CEP128: variants seen among roughly 807,000 people sequenced by gnomAD.
The protein encoded by CEP128 is centrosomal protein 128kDa.
In CEP128, 132 loss-of-function variants were observed where a neutral mutation model predicts 156.7. The ratio of observed to expected loss-of-function variants is 0.84; its 90% CI spans 0.73 to 0.97. The LOEUF (loss-of-function observed/expected upper bound fraction) is 0.97. CEP128 is among the 50% of genes least tolerant of loss of function. The pLI is 0.00. For synonymous variants in CEP128, 469 were observed against 448.9 expected (o/e 1.04, Z -0.57); for missense variants, 1,252 against 1,281.9 (o/e 0.98, Z 0.36).
intron 13 of CEP128, among the ~76,000 whole-genome samples, chr14:80,827,931 T>A (rs1040958656): frequency 6.6e-6 from 1 of 152,090 alleles, no homozygotes; most frequent in East Asian, 1.9e-4. Context: ...CTGAGTTTCA[T>A]TGTTAATATG....
upstream of CEP128, among the ~76,000 whole-genome samples, chr14:80,942,833 T>C (rs577907875): frequency 6.6e-6 from 1 of 151,786 alleles, no homozygotes; most frequent in South Asian, 2.1e-4. Context: ...TCCTTACCCC[T>C]CCTCCCTCCC....
chr14:80,505,699 A>ATAAC (rs1232195025), intron 23 of CEP128, among the ~76,000 whole-genome samples: 5 of 152,360 alleles, frequency 3.3e-5, no homozygotes, highest in African/African-American at 1.2e-4. Context: ...TCTTTCAGCT[A>ATAAC]TAACTTTAAA....
chr14:80,888,371 A>G (rs2083097296), intron 8 of CEP128, among the ~76,000 whole-genome samples: 1 of 152,220 alleles, frequency 6.6e-6, no homozygotes, highest in Non-Finnish European at 1.5e-5. Context: ...CGTTGATGCG[A>G]AAATCCTCAG....
chr14:80,493,108 C>T (rs1887379506), downstream of CEP128, among the ~76,000 whole-genome samples: 1 of 152,088 alleles, frequency 6.6e-6, no homozygotes, highest in South Asian at 2.1e-4. Flanking sequence ...AACTGCTTCA[C>T]TAGAAGAATA....
At chr14:80,737,148 G>A (rs1453402778) in intron 19 of CEP128, among the ~76,000 whole-genome samples, 1 of 152,196 alleles carries the variant, frequency 6.6e-6, no homozygotes, top group African/African-American at 2.4e-5. Flanking sequence ...GCTCATGCCT[G>A]TAATCCCAGC....
intron 2 of CEP128, among the ~76,000 whole-genome samples, chr14:80,928,023 A>C (rs1196248045): frequency 6.6e-6 from 1 of 152,154 alleles, no homozygotes; most frequent in Non-Finnish European, 1.5e-5. Context: ...ACTCACACAG[A>C]GTCTTTGCCA....
chr14:80,885,130 C>G (rs2371420), intron 8 of CEP128, among the ~76,000 whole-genome samples: 84,981 of 152,020 alleles, frequency 0.56, 25,747 homozygotes, highest in African/African-American at 0.8. Flanking sequence ...CCCCAGTCAG[C>G]GGCTTATAGA....
intron 19 of CEP128, among the ~76,000 whole-genome samples, chr14:80,638,385 T>C (rs1331801285): frequency 1.3e-5 from 2 of 152,136 alleles, no homozygotes; most frequent in African/African-American, 4.8e-5. Context: ...AAAGAAGCAA[T>C]GCTGTGTTTA....
chr14:80,502,171 C>T (rs943341942), intron 24 of CEP128, among the ~76,000 whole-genome samples: 1 of 152,300 alleles, frequency 6.6e-6, no homozygotes, highest in East Asian at 1.9e-4. Context: ...TCAATAAAAA[C>T]TGCTGCTAAC....
chr14:80,722,818 T>C (rs918752505), intron 19 of CEP128, among the ~76,000 whole-genome samples: 6 of 135,036 alleles, frequency 4.4e-5, no homozygotes, highest in African/African-American at 1.7e-4. Context: ...GGTTACTCTT[T>C]ATCTTTTTTT....
chr14:80,758,269 C>G (rs537087105), intron 17 of CEP128, among the ~76,000 whole-genome samples: 1 of 152,214 alleles, frequency 6.6e-6, no homozygotes, highest in Non-Finnish European at 1.5e-5. Context: ...CGCCTGTAAT[C>G]CCAGCACTTT....
At chr14:80,555,868 A>T (rs1890412119) in intron 21 of CEP128, among the ~76,000 whole-genome samples, 1 of 151,916 alleles carries the variant, frequency 6.6e-6, no homozygotes, top group South Asian at 2.1e-4. Flanking sequence ...GCTTCTGAAA[A>T]TGCATTATCT....
intron 3 of CEP128, among the ~76,000 whole-genome samples, chr14:80,915,142 C>G (rs1884472481): frequency 6.6e-6 from 1 of 152,062 alleles, no homozygotes; most frequent in Non-Finnish European, 1.5e-5. Flanking sequence ...GCCTCAGCTT[C>G]CTGGGCTCAA....
downstream of CEP128, among the ~76,000 whole-genome samples, chr14:80,493,754 T>C (rs1463025211): frequency 6.6e-6 from 1 of 152,198 alleles, no homozygotes; most frequent in East Asian, 1.9e-4. Flanking sequence ...GGGGCTATCC[T>C]GGTAAAACAC....
intron 19 of CEP128, among the ~76,000 whole-genome samples, chr14:80,610,305 A>G (rs1892945722): frequency 6.6e-6 from 1 of 152,114 alleles, no homozygotes; most frequent in Non-Finnish European, 1.5e-5. Flanking sequence ...TGTTTTTATC[A>G]TCTGTCTGAT....
chr14:80,489,468 T>C (rs1288500193), downstream of CEP128, among the ~76,000 whole-genome samples: 2 of 113,382 alleles, frequency 1.8e-5, no homozygotes, highest in East Asian at 7.7e-4. Context: ...AATTTCTTTT[T>C]TCCTGATGAG....
chr14:80,897,592 C>T (rs1043395341), intron 7 of CEP128, among the ~76,000 whole-genome samples: 5 of 149,208 alleles, frequency 3.4e-5, no homozygotes, highest in African/African-American at 1.2e-4. Context: ...CCTAGTTATT[C>T]AAATTGAAAA....
upstream of CEP128, among the ~76,000 whole-genome samples, chr14:80,944,822 CAAAAAAAAAAAAAAAAAAA>C (rs55662141): frequency 1.4e-4 from 5 of 34,650 alleles, no homozygotes; most frequent in South Asian, 2.6e-3. Context: ...GAGTCTGTCT[CAAAAAAAAAAAAAAAAAAA>C]AAAAAAAAAA....
chr14:80,781,910 A>G (rs551978947), intron 15 of CEP128, among the ~76,000 whole-genome samples: 1 of 152,318 alleles, frequency 6.6e-6, no homozygotes, highest in Admixed American at 6.5e-5. Context: ...CATTGTGTTG[A>G]TTATTATACA....
Sources: gnomAD v4.1 joint callset for allele counts (sites outside exome capture counted in the v4.1 genomes callset) on GRCh38, gnomAD v4.1.1 for gene constraint, MANE v1.5 for transcripts, NCBI Gene and HGNC (gene_info 2026-07-23, HGNC 2026-07-21) for gene names.